MAN1C1: variants seen among roughly 807,000 people sequenced by gnomAD.
MAN1C1 encodes mannosyl-oligosaccharide 1,2-alpha-mannosidase IC.
In MAN1C1, 49 loss-of-function variants were observed where a neutral mutation model predicts 71.5. The observed-to-expected ratio is 0.69, with a 90% confidence interval of 0.54 to 0.87. The LOEUF (loss-of-function observed/expected upper bound fraction) is 0.87, where lower values mean the gene tolerates loss of function less well. Ranked by LOEUF, MAN1C1 falls within the 40% of genes least tolerant of loss-of-function variation. The pLI is 0.00. For synonymous variants in MAN1C1, 352 were observed against 343.7 expected, an observed-to-expected ratio of 1.02 and a Z score of -0.27; for missense variants, 743 against 835.0, an observed-to-expected ratio of 0.89 and a Z score of 1.36.
chr1:25,692,805 C>T (rs1405905287), intron 2 of MAN1C1, among the ~76,000 whole-genome samples: 1 of 152,174 alleles, frequency 6.6e-6, no homozygotes, highest in Admixed American at 6.5e-5. Context: ...CCAGGGAAGG[C>T]ATGTGATTCG....
At chr1:25,744,207 T>C (rs555189427) in intron 2 of MAN1C1, among the ~76,000 whole-genome samples, 9 of 152,260 alleles carry the variant, frequency 5.9e-5, no homozygotes, top group African/African-American at 2.2e-4. Flanking sequence ...TCTGCTTTGC[T>C]CAGTCTGCCT....
At chr1:25,669,477 A>G (rs1310465397) in intron 1 of MAN1C1, among the ~76,000 whole-genome samples, 1 of 152,200 alleles carries the variant, frequency 6.6e-6, no homozygotes, top group Admixed American at 6.5e-5. Context: ...CTCAATAAAT[A>G]CTGGCACCAT....
At chr1:25,618,365 C>G (rs745642312) in intron 1 of MAN1C1, 28 bp downstream of exon 1, 1 of 1,575,604 alleles carries the variant, frequency 6.3e-7, no homozygotes, top group Non-Finnish European at 8.6e-7. Context: ...AAACTCCTCC[C>G]ACCAACTGCC....
At chr1:25,733,885 C>T (rs1315911251) in intron 2 of MAN1C1, among the ~76,000 whole-genome samples, 1 of 151,628 alleles carries the variant, frequency 6.6e-6, no homozygotes, top group African/African-American at 2.4e-5. Context: ...CTGCAAGCTC[C>T]GCCTCCCGTG....
rs1363679826 is a variant in MAN1C1 at position 25,776,991 on chromosome 1, G to A, written c.1258-1114G>A. Among the ~76,000 whole-genome samples the A allele has an allele frequency of 6.6e-6, 1 of 152,174 alleles. No individual in the cohort carries two copies. The highest frequency in any genetic ancestry group is 1.5e-5 in the Non-Finnish European group (1 of 68,032). On this transcript the variant is annotated intron_variant, in intron 8 of 11. Transcript: ENST00000374332. This position sits in a 1 kb window ranked among gnomAD's most constrained non-coding sequence, Gnocchi z 4.3. ...TACAACCTGCCCAGTGTCACACAGC[G>A]TGGAACTGGTGGAGATGAAATTTGA... is the stretch of plus-strand genomic sequence containing the variant.
chr1:25,618,877 G>A (rs2045159950), intron 1 of MAN1C1, among the ~76,000 whole-genome samples: 1 of 152,100 alleles, frequency 6.6e-6, no homozygotes, highest in Admixed American at 6.6e-5. Flanking sequence ...CAAACCAGAG[G>A]ATGTTGTGCA....
Position 25,686,437 on chromosome 1 carries a change from C to T in MAN1C1, c.541-3C>T. 1 of 1,613,560 alleles carries T rather than the reference C, an allele frequency of 6.2e-7. No individual in the cohort carries two copies. Among genetic ancestry groups the T allele is most frequent in the African/African-American group, 1.3e-5 (1 of 75,048 alleles). ...GTTCTCTCTATGCTGCTTTTTCTTG[C>T]AGATGATGCAGTTTGCTTGGCAGAG... is the stretch of plus-strand genomic sequence containing the variant. On this transcript the variant is annotated splice_region_variant and splice_polypyrimidine_tract_variant and intron_variant, in intron 1 of 11. Transcript: ENST00000374332.
intron 1 of MAN1C1, among the ~76,000 whole-genome samples, chr1:25,618,543 C>T (rs1439844062): frequency 6.6e-6 from 1 of 152,066 alleles, no homozygotes; most frequent in Non-Finnish European, 1.5e-5. Context: ...CCACTCGGGT[C>T]AGTTAATCGT....
At chr1:25,683,261 T>C (rs2046180210) in intron 1 of MAN1C1, among the ~76,000 whole-genome samples, 1 of 152,166 alleles carries the variant, frequency 6.6e-6, no homozygotes, top group Admixed American at 6.5e-5. Context: ...TGTTCATCTG[T>C]CCACGAAGCT....
In MAN1C1 at chr1:25,764,321, G is replaced by A. The variant is rs1297008023; in HGVS notation, c.1141+354G>A. 6.6e-6 allele frequency among the ~76,000 whole-genome samples: 1 copy of A among 152,184 alleles called. No individual in the cohort carries two copies. On this transcript the variant is annotated intron_variant, in intron 7 of 11. Transcript: ENST00000374332. This position sits in a 1 kb window ranked among gnomAD's most constrained non-coding sequence, Gnocchi z 4.4. ...CCAGGTTCTCGGGAGGGTCCCAGGT[G>A]GAGTCATCCATTCTAGAAGTGGCTC...
intron 8 of MAN1C1, among the ~76,000 whole-genome samples, chr1:25,774,362 C>T (rs950577350): frequency 2.0e-5 from 3 of 152,184 alleles, no homozygotes; most frequent in African/African-American, 7.2e-5. Context: ...TAGCCCCCAT[C>T]TTACAGATGA....
In MAN1C1 at chr1:25,782,797, G is replaced by T; in HGVS notation, c.1766+97G>T. 1.1e-6 allele frequency: 1 copy of T among 937,456 alleles called. No homozygotes were observed. The highest frequency in any genetic ancestry group is 1.7e-6 in the Non-Finnish European group (1 of 592,186). The allele number at this position is 937,456 out of a possible 1,614,324, so 58.1% of individuals were successfully genotyped here. A position where few individuals can be genotyped will look rare whatever the true frequency, so the allele number is the denominator to read the frequency against. On this transcript the variant is annotated intron_variant, in intron 11 of 11. Coordinates refer to ENST00000374332, the MANE Select transcript of MAN1C1 (RefSeq NM_020379.4). The surrounding 1 kb of genome is among the most constrained non-coding windows in gnomAD (Gnocchi z 4.4). ...TCCACAGTCAGGTTCTGTGGTCACA[G>T]GACGGGAGCCCAAAAGGGGTGAAGG...
intron 1 of MAN1C1, among the ~76,000 whole-genome samples, chr1:25,639,083 T>C (rs895990231): frequency 2.1e-4 from 32 of 152,176 alleles, no homozygotes; most frequent in African/African-American, 6.8e-4. Flanking sequence ...GGATAATTTA[T>C]AGTAACCTAT....
At chr1:25,691,865 C>T (rs2046313665) in intron 2 of MAN1C1, among the ~76,000 whole-genome samples, 1 of 152,170 alleles carries the variant, frequency 6.6e-6, no homozygotes. Context: ...CAGCCTCCTG[C>T]CAATGGCCAA....
intron 3 of MAN1C1, among the ~76,000 whole-genome samples, chr1:25,747,599 T>C (rs1440131136): frequency 1.3e-5 from 2 of 152,162 alleles, no homozygotes; most frequent in East Asian, 1.9e-4. Flanking sequence ...CTGCAGCTCC[T>C]GGCAGCAGCG....
Position 25,617,685 on chromosome 1 carries a change from C to A in MAN1C1, c.-113C>A. The A allele has an allele frequency of 1.0e-6, 1 of 1,004,484 alleles. No homozygotes were observed. Among genetic ancestry groups the A allele is most frequent in the Middle Eastern group, 3.1e-4 (1 of 3,190 alleles). The allele number at this position is 1,004,484 out of a possible 1,614,324, so 62.2% of individuals were successfully genotyped here. On this transcript the variant is annotated 5_prime_UTR_variant, in exon 1 of 12. Coordinates refer to ENST00000374332, the MANE Select transcript of MAN1C1 (RefSeq NM_020379.4). This position sits in a 1 kb window ranked among gnomAD's most constrained non-coding sequence, Gnocchi z 5.1. ...GCGGCGAAACTCTCAGGGTTGGCAA[C>A]CCTGCCCAGGGACCCCCATCCCGGG...
intron 2 of MAN1C1, among the ~76,000 whole-genome samples, chr1:25,738,260 A>C (rs1033395711): frequency 2.0e-5 from 3 of 152,188 alleles, no homozygotes; most frequent in Non-Finnish European, 4.4e-5. Context: ...ATTCCTGCTC[A>C]AGGAAAAAAA....
At chr1:25,648,598 C>G (rs1405747338) in intron 1 of MAN1C1, among the ~76,000 whole-genome samples, 2 of 152,202 alleles carry the variant, frequency 1.3e-5, no homozygotes, top group African/African-American at 4.8e-5. Context: ...CTGCCCTTTA[C>G]TGGGCAGCAG....
chr1:25,649,462 C>T (rs934593745), intron 1 of MAN1C1, among the ~76,000 whole-genome samples: 4 of 152,330 alleles, frequency 2.6e-5, no homozygotes, highest in African/African-American at 9.6e-5. Flanking sequence ...GATCCTCACC[C>T]TCACTCTTGT....
Sources: gnomAD v4.1 joint callset for allele counts (sites outside exome capture counted in the v4.1 genomes callset) on GRCh38, gnomAD v4.1.1 for gene constraint, Gnocchi (gnomAD v3.1) non-coding constraint, MANE v1.5 for transcripts, NCBI Gene and HGNC (gene_info 2026-07-23, HGNC 2026-07-21) for gene names.